The following UBIAD1 variants were observed in gnomAD, a reference collection of about 807,000 sequenced individuals.
UBIAD1 encodes the protein UbiA prenyltransferase domain containing 1, also known as ubiA prenyltransferase domain-containing protein 1.
UBIAD1 carries 12 observed loss-of-function variants against 20.1 expected under a neutral mutation model. The observed-to-expected ratio is 0.60, with a 90% CI of 0.38 to 0.97. The LOEUF (loss-of-function observed/expected upper bound fraction) is 0.97. UBIAD1 is among the 50% of genes least tolerant of loss of function. The pLI, the probability that UBIAD1 is intolerant of heterozygous loss-of-function variation, is 0.00. For synonymous variants in UBIAD1, 207 were observed against 189.2 expected, an observed-to-expected ratio of 1.09 and a Z score of -0.77; for missense variants, 333 against 419.5, an observed-to-expected ratio of 0.79 and a Z score of 1.80.
Position 11,273,524 on chromosome 1 carries a change from G to T in UBIAD1, c.-8G>T. The T allele has an allele frequency of 1.9e-6, 3 of 1,611,536 alleles. No homozygotes were observed. The highest frequency in any genetic ancestry group is 2.5e-6 in the Non-Finnish European group (3 of 1,180,026). ...TTTTAGAGTTTACTTCAACCACGTG[G>T]AGCTTCCATGGCGGCCTCTCAGGTC... On this transcript the variant is annotated 5_prime_UTR_variant, in exon 1 of 2. Transcript: ENST00000376810. The surrounding 1 kb of genome is among the most constrained non-coding windows in gnomAD (Gnocchi z 4.9).
downstream of UBIAD1, among the ~76,000 whole-genome samples, chr1:11,292,780 C>T (rs546460047): frequency 3.3e-5 from 5 of 152,058 alleles, no homozygotes; most frequent in African/African-American, 4.8e-5. Flanking sequence ...CTGAGCCCTG[C>T]GGACCACTCT....
downstream of UBIAD1, among the ~76,000 whole-genome samples, chr1:11,288,733 C>A (rs544345525): frequency 6.6e-6 from 1 of 152,054 alleles, no homozygotes. Flanking sequence ...CGTAGTAAGA[C>A]CCCATCTCTA....
intron 1 of UBIAD1, among the ~76,000 whole-genome samples, chr1:11,282,583 GAC>G (rs1652275913): frequency 9.0e-6 from 1 of 111,082 alleles, no homozygotes; most frequent in Non-Finnish European, 1.8e-5. Context: ...TTTTTCAAAA[GAC>G]AGAGTTTAGC....
downstream of UBIAD1, among the ~76,000 whole-genome samples, chr1:11,296,305 G>A (rs1450430181): frequency 1.3e-5 from 2 of 152,152 alleles, no homozygotes; most frequent in African/African-American, 4.8e-5. Flanking sequence ...GAGTCTGGCA[G>A]CACTGGGTGG....
chr1:11,281,482 GAAC>G (rs1260273268), intron 1 of UBIAD1, among the ~76,000 whole-genome samples: 1 of 152,164 alleles, frequency 6.6e-6, no homozygotes, highest in Non-Finnish European at 1.5e-5. Flanking sequence ...AATATCCAGT[GAAC>G]AAATGGGAAG....
exon 2 of UBIAD1, chr1:11,294,951 T>C: frequency 2.8e-6 from 2 of 717,498 alleles, no homozygotes; most frequent in Middle Eastern, 4.6e-4. Context: ...CCTAGTGACC[T>C]GCCTTCTAGA....
chr1:11,285,977 T>C lies in UBIAD1; in HGVS notation c.863T>C (p.Leu288Pro). Residue 288 changes from leucine to proline, a missense_variant, in exon 2 of 2, where the codon CTT becomes CCT. By Grantham distance (98) the Leu-to-Pro change is moderately conservative. Coordinates refer to ENST00000376810, the MANE Select transcript of UBIAD1 (RefSeq NM_013319.3). This position sits in a 1 kb window ranked among gnomAD's most constrained non-coding sequence, Gnocchi z 4.4. ...HCTISLALPL[L>P]TIPMAFSLER... ...ACCATCAGCCTGGCACTCCCCCTGC[T>C]TACCATTCCCATGGCCTTCTCCCTT... is the stretch of plus-strand genomic sequence containing the variant. The C allele has an allele frequency of 6.2e-7, 1 of 1,614,228 alleles. No homozygotes were observed. Among genetic ancestry groups the C allele is most frequent in the Non-Finnish European group, 8.5e-7 (1 of 1,180,032 alleles).
At chr1:11,277,398 A>G (rs12062634) in intron 1 of UBIAD1, among the ~76,000 whole-genome samples, 24,060 of 149,954 alleles carry the variant, frequency 0.16, 3,929 homozygotes, top group African/African-American at 0.42. Context: ...AGGTTCAAGT[A>G]TAATCCCAGT....
At chr1:11,288,646 G>A (rs145946363), downstream of UBIAD1, among the ~76,000 whole-genome samples, 69 of 152,298 alleles carry the variant, frequency 4.5e-4, no homozygotes, top group East Asian at 0.013. Flanking sequence ...GGTGGCTCAC[G>A]CTTGTAATCA....
At position 11,287,753 on chromosome 1, in the gene UBIAD1, C is replaced by A. The variant is rs1638297373; in HGVS notation, c.*1622C>A. The A allele has an allele frequency of 6.6e-6, 1 of 152,088 alleles. No homozygotes were observed. The highest frequency in any genetic ancestry group is 6.6e-5 in the Admixed American group (1 of 15,264). 9.4% of individuals were successfully genotyped at this position (152,088 alleles called of 1,614,324 possible). A position where few individuals can be genotyped will look rare whatever the true frequency, so the allele number is the denominator to read the frequency against. ...GACCATCTTGGCTAACACGGTGAAA[C>A]CCCGTTTCTACTAAAAATACAAAAA... On this transcript the variant is annotated 3_prime_UTR_variant, in exon 2 of 2. Coordinates refer to ENST00000376810, the MANE Select transcript of UBIAD1 (RefSeq NM_013319.3).
rs150670585 is a variant in UBIAD1, at chr1:11,284,115, T to A, written c.530-1529T>A. On this transcript the variant is annotated intron_variant, in intron 1 of 1. Coordinates refer to ENST00000376810, the MANE Select transcript of UBIAD1 (RefSeq NM_013319.3). ...GTTTAGTGAGAAAGGTGGAGATTAATTAGAAGCATGATGAAGTTTATGAAC... is the reference window on the plus strand; with the variant it reads ...GTTTAGTGAGAAAGGTGGAGATTAAATAGAAGCATGATGAAGTTTATGAAC... 1.7e-3 allele frequency among the ~76,000 whole-genome samples: 256 copies of A among 152,336 alleles called. 1 individual carries two copies. Among genetic ancestry groups the A allele is most frequent in the African/African-American group, 4.8e-3 (201 of 41,576 alleles).
downstream of UBIAD1, among the ~76,000 whole-genome samples, chr1:11,288,848 G>T (rs1246226844): frequency 6.6e-6 from 1 of 152,088 alleles, no homozygotes; most frequent in Admixed American, 6.5e-5. Context: ...GCAGGTCGAG[G>T]CTGCAGTGAG....
chr1:11,274,951 A>T (rs1447657920), intron 1 of UBIAD1, among the ~76,000 whole-genome samples: 1 of 152,098 alleles, frequency 6.6e-6, no homozygotes, highest in South Asian at 2.1e-4. Context: ...TTAATCACTC[A>T]TACTTTATAA....
intron 1 of UBIAD1, among the ~76,000 whole-genome samples, chr1:11,275,230 C>A (rs1651973491): frequency 6.6e-6 from 1 of 152,092 alleles, no homozygotes; most frequent in Non-Finnish European, 1.5e-5. Context: ...TTAGGGTGAC[C>A]AATATCCTGG....
chr1:11,292,760 C>G (rs1638388137), downstream of UBIAD1, among the ~76,000 whole-genome samples: 1 of 151,660 alleles, frequency 6.6e-6, no homozygotes, highest in South Asian at 2.1e-4. Flanking sequence ...AGAGGGATGA[C>G]AGCTCCTCTC....
In UBIAD1 at chr1:11,287,202, G is replaced by T. The variant is rs1259176345; in HGVS notation, c.*1071G>T. 6.6e-6 allele frequency: 1 copy of T among 152,330 alleles called. No individual in the cohort carries two copies. Among genetic ancestry groups the T allele is most frequent in the Non-Finnish European group, 1.5e-5 (1 of 68,124 alleles). 9.4% of individuals were successfully genotyped at this position (152,330 alleles called of 1,614,324 possible). On this transcript the variant is annotated 3_prime_UTR_variant, in exon 2 of 2. Coordinates refer to ENST00000376810, the MANE Select transcript of UBIAD1 (RefSeq NM_013319.3). ...GGAATGAATAGCCAGTGGACAAACAGTCTTGAGCTCTGTTCAGCCAGAGTG... is the reference window on the plus strand; with the variant it reads ...GGAATGAATAGCCAGTGGACAAACATTCTTGAGCTCTGTTCAGCCAGAGTG...
At chr1:11,294,089 A>G (rs1347335889) in intron 1 of UBIAD1, among the ~76,000 whole-genome samples, 2 of 152,202 alleles carry the variant, frequency 1.3e-5, no homozygotes, top group East Asian at 1.9e-4. Flanking sequence ...TAAAGCTGTC[A>G]TTTGTTGAAT....
downstream of UBIAD1, among the ~76,000 whole-genome samples, chr1:11,292,633 G>C (rs1385307781): frequency 6.6e-6 from 1 of 151,392 alleles, no homozygotes; most frequent in Non-Finnish European, 1.5e-5. Context: ...AGGAACAGCT[G>C]TGATTGATAT....
In UBIAD1 at chr1:11,285,329, C is replaced by T. The variant is rs751066392; in HGVS notation, c.530-315C>T. On this transcript the variant is annotated intron_variant, in intron 1 of 1. Transcript: ENST00000376810. The surrounding 1 kb of genome is among the most constrained non-coding windows in gnomAD (Gnocchi z 4.4). ...ACCTTTAGATCCTTCCTGGGCTCTC[C>T]CATTGAACTAAGAGTATAGTGGGTG... 2.6e-5 allele frequency among the ~76,000 whole-genome samples: 4 copies of T among 152,078 alleles called. No homozygotes were observed. Among genetic ancestry groups the T allele is most frequent in the African/African-American group, 7.2e-5 (3 of 41,402 alleles).
Sources: allele counts gnomAD v4.1 joint callset (sites outside exome capture counted in the v4.1 genomes callset), GRCh38; gene constraint gnomAD v4.1.1; non-coding constraint Gnocchi (gnomAD v3.1); transcripts MANE v1.5; gene names NCBI Gene and HGNC (gene_info 2026-07-23, HGNC 2026-07-21).